EML6: variants seen among roughly 807,000 people sequenced by gnomAD.
The protein encoded by EML6 is echinoderm microtubule-associated protein-like 6.
A neutral mutation model predicts 240.1 loss-of-function variants in EML6; 154 were observed. The ratio of observed to expected loss-of-function variants is 0.64; its 90% CI spans 0.56 to 0.73. The LOEUF (loss-of-function observed/expected upper bound fraction) is 0.73, where lower values mean the gene tolerates loss of function less well. EML6 is among the 30% of genes least tolerant of loss of function. The pLI, the probability that EML6 is intolerant of heterozygous loss-of-function variation, is 0.00. For missense variants in EML6, 2,964 were observed against 2,474.6 expected (o/e 1.20, Z -4.20); for synonymous variants, 1,148 against 899.0 (o/e 1.28, Z -4.95).
intron 2 of EML6, among the ~76,000 whole-genome samples, chr2:54,801,721 T>C (rs529124898): frequency 3.4e-4 from 52 of 151,806 alleles, no homozygotes; most frequent in Admixed American, 2.6e-4. Context: ...GAACAAACTA[T>C]TGTAAGAACC....
chr2:54,910,852 CTT>C, intron 24 of EML6, 100 bp from the exon 25 acceptor site: 1 of 606,110 alleles, frequency 1.6e-6, no homozygotes, highest in Non-Finnish European at 3.0e-6. Context: ...ATTTGTGAGA[CTT>C]TGATTAAAAT....
intron 4 of EML6, among the ~76,000 whole-genome samples, chr2:54,817,721 T>A (rs1668140814): frequency 6.6e-6 from 1 of 152,188 alleles, no homozygotes; most frequent in African/African-American, 2.4e-5. Context: ...ACAGCCATCC[T>A]GGGCTGTGGG....
intron 2 of EML6, among the ~76,000 whole-genome samples, chr2:54,797,168 A>AAAAAAAAAAAAAAAAAAAAAAAAAAAAC (rs1669841546): frequency 2.4e-5 from 3 of 125,866 alleles, no homozygotes; most frequent in African/African-American, 5.6e-5. Flanking sequence ...CCATCTCAAA[A>AAAAAAAAAAAAAAAAAAAAAAAAAAAAC]AAAAAAAAAA....
At chr2:54,838,561 A>G (rs1669274631) in intron 7 of EML6, among the ~76,000 whole-genome samples, 1 of 152,192 alleles carries the variant, frequency 6.6e-6, no homozygotes, top group African/African-American at 2.4e-5. Context: ...GTCTGATTTG[A>G]TATTCACAGA....
At chr2:54,923,913 A>C (rs1573151968) in intron 26 of EML6, among the ~76,000 whole-genome samples, 1 of 152,044 alleles carries the variant, frequency 6.6e-6, no homozygotes, top group African/African-American at 2.4e-5. Context: ...AGCTTCTTTC[A>C]CTCAGAGATG....
At chr2:54,800,093 A>C (rs1253090347) in intron 2 of EML6, among the ~76,000 whole-genome samples, 4 of 152,064 alleles carry the variant, frequency 2.6e-5, no homozygotes, top group Non-Finnish European at 1.5e-5. Flanking sequence ...AAAATTACAA[A>C]AATTAGCTGG....
chr2:54,932,333 T>C (rs1445602585), intron 28 of EML6, among the ~76,000 whole-genome samples: 1 of 152,242 alleles, frequency 6.6e-6, no homozygotes, highest in Non-Finnish European at 1.5e-5. Flanking sequence ...GTGTGGTGTG[T>C]GGCTGAGGAA....
rs188931192 is a variant in EML6, at chr2:54,829,331, T to A, written c.712-11T>A. The A allele has an allele frequency of 4.2e-3, 6,457 of 1,551,116 alleles. 77 individuals are homozygous for A. Among genetic ancestry groups the A allele is most frequent in the South Asian group, 0.026 (2,205 of 83,992 alleles). The stretch of plus-strand genomic sequence containing the variant: ...GTTGCACCATTGAGTATTACCTGTT[T>A]TAATCAACAGGCTGGAATCTTTAGC... On this transcript the variant is annotated splice_polypyrimidine_tract_variant and intron_variant, in intron 6 of 41. Coordinates refer to ENST00000356458, the MANE Select transcript of EML6 (RefSeq NM_001039753.4).
Position 54,833,907 on chromosome 2 carries a change from C to T in EML6, c.847+4430C>T, listed in dbSNP as rs529450824. Among the ~76,000 whole-genome samples the T allele has an allele frequency of 2.0e-5, 3 of 152,296 alleles. No homozygotes were observed. In the South Asian group the frequency reaches 6.2e-4, roughly 32 times the overall value. On this transcript the variant is annotated intron_variant, in intron 7 of 41. Transcript: ENST00000356458. ...AACTAATTCGGCAGCAAAACTTGAC[C>T]TGATATGAGGCTACTGGGTGTCTTT...
chr2:54,763,692 C>G (rs1207792753), intron 2 of EML6, among the ~76,000 whole-genome samples: 1 of 152,068 alleles, frequency 6.6e-6, no homozygotes, highest in Non-Finnish European at 1.5e-5. Flanking sequence ...TACCAGGAGC[C>G]TAAAAGGGTG....
chr2:54,960,296 C>T lies in EML6; in HGVS notation c.4930C>T (p.Gln1644Ter). Residue 1644 changes from glutamine (Q) to a stop codon, truncating the protein, a stop_gained, in exon 35 of 42, where the codon CAG (glutamine) becomes TAG (stop). Coordinates refer to ENST00000356458, the MANE Select transcript of EML6 (RefSeq NM_001039753.4). LOFTEE classifies it high-confidence loss of function. ...RCRAFQLETG[Q>*]LVECVRSVCR... The stretch of plus-strand genomic sequence containing the variant: ...CCGGGCCTTTCAGCTGGAGACCGGG[C>T]AGCTGGTGGAGTGTGTGCGCTCCGT... 1 of 1,551,262 alleles carries T rather than the reference C, an allele frequency of 6.4e-7. No individual in the cohort carries two copies. The highest frequency in any genetic ancestry group is 8.7e-7 in the Non-Finnish European group (1 of 1,146,910).
Position 54,899,798 on chromosome 2 carries a change from T to A in EML6, c.3124+16T>A. 6.5e-7 allele frequency: 1 copy of A among 1,544,038 alleles called. No individual in the cohort carries two copies. The highest frequency in any genetic ancestry group is 8.8e-7 in the Non-Finnish European group (1 of 1,142,178). ...CTCAAAAAAGGTACATAACACCACC[T>A]TACACATCTGTCAGAGTATTTACAA... On this transcript the variant is annotated intron_variant, in intron 22 of 41. Transcript: ENST00000356458.
chr2:54,789,235 C>T (rs1237583756), intron 2 of EML6, among the ~76,000 whole-genome samples: 1 of 152,052 alleles, frequency 6.6e-6, no homozygotes, highest in Admixed American at 6.5e-5. Context: ...GCTTTCCGGC[C>T]GGGCGCGGTG....
rs551659292 is a variant in EML6, at chr2:54,888,783, T to A, written c.2439-2271T>A. 5.6e-4 allele frequency among the ~76,000 whole-genome samples: 85 copies of A among 152,360 alleles called. No homozygotes were observed. The Middle Eastern group carries it at 0.014, about 24-fold the overall frequency. ...ATTCACCTGCTGAAGGACATCTATGTTGCTGCCACATTTTGACAATTATGA... is the reference window on the plus strand; with the variant it reads ...ATTCACCTGCTGAAGGACATCTATGATGCTGCCACATTTTGACAATTATGA... On this transcript the variant is annotated intron_variant, in intron 17 of 41. Transcript: ENST00000356458.
At chr2:54,875,479 T>C (rs1463535699) in intron 16 of EML6, among the ~76,000 whole-genome samples, 1 of 152,212 alleles carries the variant, frequency 6.6e-6, no homozygotes, top group African/African-American at 2.4e-5. Flanking sequence ...GGGGGTTTTA[T>C]GGACACCTAC....
chr2:54,905,900 A>G (rs1462291087), intron 24 of EML6, among the ~76,000 whole-genome samples: 2 of 149,922 alleles, frequency 1.3e-5, no homozygotes, highest in South Asian at 2.1e-4. Flanking sequence ...AATTTTATGT[A>G]TAGACTGTAT....
chr2:54,937,552 TTAA>T (rs1426823885), intron 28 of EML6, among the ~76,000 whole-genome samples: 3 of 94,370 alleles, frequency 3.2e-5, no homozygotes, highest in Non-Finnish European at 6.5e-5. Context: ...GACTCTGTCT[TTAA>T]AAAAAAAAAA....
At chr2:54,918,381 C>T (rs549069651) in intron 26 of EML6, among the ~76,000 whole-genome samples, 1 of 152,240 alleles carries the variant, frequency 6.6e-6, no homozygotes, top group Non-Finnish European at 1.5e-5. Flanking sequence ...CAGGGTTTTG[C>T]TGTGTTTCCC....
chr2:54,931,095 C>T (rs1031982048), intron 28 of EML6, among the ~76,000 whole-genome samples: 10 of 151,260 alleles, frequency 6.6e-5, no homozygotes, highest in Non-Finnish European at 1.3e-4. Context: ...GTAGCTGGGA[C>T]TACAGGCGCC....
Sources: allele counts gnomAD v4.1 joint callset (sites outside exome capture counted in the v4.1 genomes callset), GRCh38; gene constraint gnomAD v4.1.1; transcripts MANE v1.5; gene names NCBI Gene and HGNC (gene_info 2026-07-23, HGNC 2026-07-21).